Variants in LMF2 observed in about 807,000 individuals in gnomAD.
LMF2 encodes transmembrane protein 112B.
A neutral mutation model predicts 81.5 loss-of-function variants in LMF2; 113 were observed. That is an observed-to-expected ratio of 1.39 (90% CI 1.19 to 1.62). The LOEUF (loss-of-function observed/expected upper bound fraction) is 1.62. Ranked by LOEUF, LMF2 falls within the 40% of genes most tolerant of loss-of-function variation. The pLI, the probability that LMF2 is intolerant of heterozygous loss-of-function variation, is 0.00. For missense variants in LMF2, 1,235 were observed against 929.1 expected, an observed-to-expected ratio of 1.33 and a Z score of -4.28; for synonymous variants, 645 against 424.5, an observed-to-expected ratio of 1.52 and a Z score of -6.39.
rs772983292 is a variant in LMF2, at chr22:50,506,879, A to G, written c.251T>C (p.Leu84Pro). 6.3e-7 allele frequency: 1 copy of G among 1,586,676 alleles called. No homozygotes were observed. Among genetic ancestry groups the G allele is most frequent in the Admixed American group, 1.8e-5 (1 of 56,034 alleles). The part of the protein sequence containing the change: ...TAQGLELLSL[L>P]GALVALGALL... ...GGCTCCCAGGGCCACTAGTGCACCC[A>G]GCAGGCTCAGCAGCTCCAGGCCCTG... Residue 84 changes from leucine (L) to proline (P), a missense_variant, in exon 2 of 14, where the codon CTG (leucine) becomes CCG (proline). Transcript: ENST00000474879.
rs779206675 is a variant in LMF2 at position 50,506,848 on chromosome 22, C to G, written c.282G>C (p.Leu94=). 6.3e-7 allele frequency: 1 copy of G among 1,597,290 alleles called. No homozygotes were observed. The highest frequency in any genetic ancestry group is 1.3e-5 in the African/African-American group (1 of 74,398). The change falls in exon 2 of 14, where the codon CTG becomes CTC. Residue 94 remains leucine, a synonymous_variant. Coordinates refer to ENST00000474879, the MANE Select transcript of LMF2 (RefSeq NM_033200.3). The part of the protein sequence containing the change: ...LGALVALGAL[L]LSPLRHPVIY... ...TGACAGGGTGGCGCAGTGGGCTCAG[C>G]AGCAGGGCTCCCAGGGCCACTAGTG...
chr22:50,504,515 G>A (rs377142424), intron 11 of LMF2, 44 bp downstream of exon 11: 73 of 482,876 alleles, frequency 1.5e-4, no homozygotes, highest in East Asian at 2.4e-4. Flanking sequence ...TCCCCACCCC[G>A]CTCCACCCCA....
At chr22:50,503,967 G>A (rs574875093) in intron 12 of LMF2, 63 bp from the exon 13 acceptor site, 33 of 1,442,000 alleles carry the variant, frequency 2.3e-5, no homozygotes, top group Non-Finnish European at 2.8e-5. Context: ...CATCGCCAGT[G>A]CCCAGCCTTA....
At chr22:50,504,014 CCTGGTG>C in intron 12 of LMF2, 110 bp from the exon 13 acceptor site, 1 of 1,034,340 alleles carries the variant, frequency 9.7e-7, no homozygotes, top group East Asian at 2.7e-5. Flanking sequence ...CACATCCCCC[CCTGGTG>C]CCCGGCCTTA....
chr22:50,504,020 G>A (rs2068479453), intron 12 of LMF2, 116 bp from the exon 13 acceptor site: 4 of 978,824 alleles, frequency 4.1e-6, no homozygotes, highest in Non-Finnish European at 4.4e-6. Context: ...CCCCCCTGGT[G>A]CCCGGCCTTA....
At chr22:50,505,836 G>T (rs753738813) in intron 5 of LMF2, 21 bp from the exon 6 acceptor site, 1 of 1,611,986 alleles carries the variant, frequency 6.2e-7, no homozygotes, top group Non-Finnish European at 8.5e-7. Context: ...CCCGCTCTCA[G>T]TGCTCCCGGA....
chr22:50,507,168 G>A lies in LMF2; in HGVS notation c.95-133C>T, dbSNP rs571144966. 1,971 of 1,390,936 alleles carry A rather than the reference G, an allele frequency of 1.4e-3. 3 individuals carry two copies. Among genetic ancestry groups the A allele is most frequent in the African/African-American group, 5.2e-3 (357 of 69,108 alleles). The allele number at this position is 1,390,936 out of a possible 1,614,324, so 86.2% of individuals were successfully genotyped here. A position where few individuals can be genotyped will look rare whatever the true frequency, so the allele number is the denominator to read the frequency against. ...CTCCATCCCTAGGTCAGAGTCTGCAGTCCCTCCAGAGCCCGTCCCCCAGGT... is the reference window on the plus strand; with the variant it reads ...CTCCATCCCTAGGTCAGAGTCTGCAATCCCTCCAGAGCCCGTCCCCCAGGT... On this transcript the variant is annotated intron_variant, in intron 1 of 13. Transcript: ENST00000474879.
chr22:50,506,988 G>A lies in LMF2; in HGVS notation c.142C>T (p.Pro48Ser), dbSNP rs1017423174. The stretch of plus-strand genomic sequence containing the variant: ...TGCTGCCAGCGCCCCTTGCCCTGAG[G>A]CCGCAGCGTCCTCCTTGCAGGTAGG... ...GILPARRTLR[P>S]QGKGRWQQLW... Residue 48 changes from proline to serine, a missense_variant, in exon 2 of 14, where the codon CCT (proline) becomes TCT (serine). Coordinates refer to ENST00000474879, the MANE Select transcript of LMF2 (RefSeq NM_033200.3). 2.5e-6 allele frequency: 4 copies of A among 1,594,224 alleles called. No homozygotes were observed. The African/African-American group carries it at 5.4e-5, about 21-fold the overall frequency.
In LMF2 at chr22:50,505,160, G is replaced by A. The variant is rs2068525069; in HGVS notation, c.1158-7C>T. 2 of 1,612,870 alleles carry A rather than the reference G, an allele frequency of 1.2e-6. No individual in the cohort carries two copies. Among genetic ancestry groups the A allele is most frequent in the Non-Finnish European group, 1.7e-6 (2 of 1,179,884 alleles). ...GCCCCGCACCTGGGTCCACCTGTGG[G>A]CAAGGACCCAAGGTCGTCAGGCCGG... is the stretch of plus-strand genomic sequence containing the variant. On this transcript the variant is annotated splice_region_variant and splice_polypyrimidine_tract_variant and intron_variant, in intron 8 of 13. Coordinates refer to ENST00000474879, the MANE Select transcript of LMF2 (RefSeq NM_033200.3).
At position 50,505,219 on chromosome 22, in the gene LMF2, G is replaced by A. The variant is rs772200216; in HGVS notation, c.1157+10C>T. The A allele has an allele frequency of 2.5e-6, 4 of 1,612,866 alleles. No homozygotes were observed. In the Admixed American group the frequency reaches 5.0e-5, roughly 20 times the overall value. On this transcript the variant is annotated intron_variant, in intron 8 of 13. Transcript: ENST00000474879. The stretch of plus-strand genomic sequence containing the variant: ...ACCTGTGCCCCCTCCCTGCTTCCTG[G>A]GCCATGTACCTCCACAGGGCACTCA...
At chr22:50,507,499 A>G (rs933232564) in intron 1 of LMF2, 83 bp downstream of exon 1, 1 of 1,099,194 alleles carries the variant, frequency 9.1e-7, no homozygotes, top group African/African-American at 1.6e-5. Context: ...CCAACCCCGG[A>G]CTGCGTGAGT....
intron 6 of LMF2, 41 bp from the exon 7 acceptor site, chr22:50,505,578 G>C: frequency 6.2e-7 from 1 of 1,611,942 alleles, no homozygotes; most frequent in Non-Finnish European, 8.5e-7. Flanking sequence ...AGGGTCCCCA[G>C]CCAGGGGGCT....
In LMF2 at chr22:50,507,670, C is replaced by T. The variant is rs1417721511; in HGVS notation, c.6G>A (p.Ala2=). M[A]GSRLPRQLFL... ...AGAGCTGCCGCGGGAGCCGGGAGCC[C>T]GCCATGTCCGCTACGCGGCCCGCTA... Residue 2 remains alanine, a synonymous_variant, in exon 1 of 14, where the codon GCG becomes GCA. Transcript: ENST00000474879. The T allele has an allele frequency of 1.3e-6, 2 of 1,550,378 alleles. No individual in the cohort carries two copies. The highest frequency in any genetic ancestry group is 2.4e-5 in the East Asian group (1 of 41,086).
intron 1 of LMF2, among the ~76,000 whole-genome samples, 156 bp downstream of exon 1, chr22:50,507,426 C>A (rs891068364): frequency 3.9e-5 from 6 of 152,186 alleles, no homozygotes; most frequent in South Asian, 2.1e-4. Context: ...TTCCTACCCC[C>A]ACAGCGGCCT....
Position 50,506,284 on chromosome 22 carries a change from C to T in LMF2, c.595+1G>A. 1 of 1,548,884 alleles carries T rather than the reference C, an allele frequency of 6.5e-7. No individual in the cohort carries two copies. Among genetic ancestry groups the T allele is most frequent in the Non-Finnish European group, 8.7e-7 (1 of 1,146,178 alleles). On this transcript the variant is annotated splice_donor_variant, in intron 4 of 13. Coordinates refer to ENST00000474879, the MANE Select transcript of LMF2 (RefSeq NM_033200.3). LOFTEE classifies it high-confidence loss of function. ...CCCCAGGTCCAGACCGGGCCCCTCA[C>T]CAGTGAGCCCCCACCACGCAGGGCA...
chr22:50,505,285 G>C lies in LMF2; in HGVS notation c.1101C>G (p.Pro367=). 6.2e-7 allele frequency: 1 copy of C among 1,613,322 alleles called. No homozygotes were observed. The highest frequency in any genetic ancestry group is 1.1e-5 in the South Asian group (1 of 91,084). ...GGGAGGCCACACCCAGCCACACAGT[G>C]GGCAGCGTCAGTGTCTTCAGCCACT... ...FSQWLKTLTL[P]TVWLGVASLV... Residue 367 remains proline, a synonymous_variant, in exon 8 of 14, where the codon CCC becomes CCG. Coordinates refer to ENST00000474879, the MANE Select transcript of LMF2 (RefSeq NM_033200.3).
At position 50,505,466 on chromosome 22, in the gene LMF2, C is replaced by T. The variant is rs772437586; in HGVS notation, c.988G>A (p.Gly330Ser). The T allele has an allele frequency of 5.0e-5, 80 of 1,612,876 alleles. No individual in the cohort carries two copies. Among genetic ancestry groups the T allele is most frequent in the Non-Finnish European group, 6.7e-5 (79 of 1,180,034 alleles). Reference sequence around the variant, plus strand: ...TCCAGGCCAAAGTAGTGCACAGTGCCATAGGCCAGAAGCCCGTAGACGGCT... The same window carrying T: ...TCCAGGCCAAAGTAGTGCACAGTGCTATAGGCCAGAAGCCCGTAGACGGCT... ...ELAVYGLLAY[G>S]TVHYFGLEVD... The change falls in exon 7 of 14, where the codon GGC (glycine) becomes AGC (serine). Residue 330 changes from glycine to serine, a missense_variant. Coordinates refer to ENST00000474879, the MANE Select transcript of LMF2 (RefSeq NM_033200.3).
chr22:50,506,453 GCGGGGCCA>G lies in LMF2; in HGVS notation c.419_426del (p.Val140AlafsTer94). 6.4e-7 allele frequency: 1 copy of G among 1,551,178 alleles called. No individual in the cohort carries two copies. Among genetic ancestry groups the G allele is most frequent in the Non-Finnish European group, 8.7e-7 (1 of 1,149,092 alleles). ...TCCTTGCGGTGGGAGGCTGGCCTCA[GCGGGGCCA>G]CCAGCACGGCCAGGAAGCCAGTCTC... On this transcript the variant is annotated frameshift_variant, in exon 4 of 14. Transcript: ENST00000474879. LOFTEE classifies it high-confidence loss of function.
Position 50,506,267 on chromosome 22 carries a change from C to G in LMF2, c.595+18G>C. On this transcript the variant is annotated intron_variant, in intron 4 of 13. Coordinates refer to ENST00000474879, the MANE Select transcript of LMF2 (RefSeq NM_033200.3). ...GCCGAGCCCCCAGACTACCCCAGGT[C>G]CAGACCGGGCCCCTCACCAGTGAGC... 6.5e-7 allele frequency: 1 copy of G among 1,548,512 alleles called. No homozygotes were observed. The highest frequency in any genetic ancestry group is 1.2e-5 in the South Asian group (1 of 83,968).
Sources: gnomAD v4.1 joint callset for allele counts (sites outside exome capture counted in the v4.1 genomes callset) on GRCh38, gnomAD v4.1.1 for gene constraint, MANE v1.5 for transcripts, NCBI Gene and HGNC (gene_info 2026-07-23, HGNC 2026-07-21) for gene names.